MMUT: variants seen among roughly 807,000 people sequenced by gnomAD.
MMUT encodes the protein methylmalonyl-CoA mutase, mitochondrial.
A neutral mutation model predicts 79.9 loss-of-function variants in MMUT; 79 were observed. The ratio of observed to expected loss-of-function variants is 0.99; its 90% confidence interval spans 0.82 to 1.19. The LOEUF is 1.19. Ranked by LOEUF, MMUT falls within the 50% of genes most tolerant of loss-of-function variation. The pLI is 0.00. For synonymous variants in MMUT, 273 were observed against 295.7 expected, an observed-to-expected ratio of 0.92 and a Z score of 0.79; for missense variants, 860 against 917.2, an observed-to-expected ratio of 0.94 and a Z score of 0.81.
At chr6:49,431,975 T>A in intron 12 of MMUT, 119 bp from the exon 13 acceptor site, 1 of 1,174,164 alleles carries the variant, frequency 8.5e-7, no homozygotes, top group Non-Finnish European at 1.2e-6. Context: ...GGTATACTAC[T>A]GGCATTTGGG....
At position 49,440,342 on chromosome 6, in the gene MMUT, A is replaced by C; in HGVS notation, c.1820T>G (p.Phe607Cys). 6.2e-7 allele frequency: 1 copy of C among 1,613,972 alleles called. No homozygotes were observed. The highest frequency in any genetic ancestry group is 8.5e-7 in the Non-Finnish European group (1 of 1,179,934). The change falls in exon 11 of 13, where the codon TTC (phenylalanine) becomes TGC (cysteine). Residue 607 changes from phenylalanine (F) to cysteine (C), a missense_variant. Physicochemically the swap from Phe to Cys is radical, Grantham distance 205. Coordinates refer to ENST00000274813, the MANE Select transcript of MMUT (RefSeq NM_000255.4). ...AGGTCTGCGACCTTCACGTTCCATG[A>C]ATTTATGAACCCTGAAAAACATTTA... ...ITSAIKRVHK[F>C]MEREGRRPRL...
intron 1 of MMUT, among the ~76,000 whole-genome samples, chr6:49,461,809 A>G (rs774497608): frequency 4.6e-5 from 7 of 152,096 alleles, no homozygotes; most frequent in Non-Finnish European, 1.0e-4. Flanking sequence ...TAATACTAGC[A>G]CGATTTTTAT....
At position 49,440,136 on chromosome 6, in the gene MMUT, T is replaced by C. The variant is rs1581821400; in HGVS notation, c.1956+70A>G. The stretch of plus-strand genomic sequence containing the variant: ...TTAATTTGCTCAATGTCTGTCATCA[T>C]TTTACTACATTTTCTAAATGTAAGT... On this transcript the variant is annotated intron_variant, in intron 11 of 12. Transcript: ENST00000274813. 4 of 1,578,280 alleles carry C rather than the reference T, an allele frequency of 2.5e-6. No individual in the cohort carries two copies. The East Asian group carries it at 9.0e-5, about 35-fold the overall frequency.
At chr6:49,441,671 CTATT>C (rs1199880693) in intron 10 of MMUT, among the ~76,000 whole-genome samples, 165 bp downstream of exon 10, 1 of 148,060 alleles carries the variant, frequency 6.8e-6, no homozygotes, top group Non-Finnish European at 1.5e-5. Context: ...ATTATATACT[CTATT>C]ATATGTTATA....
chr6:49,451,481 A>G lies in MMUT; in HGVS notation c.1317T>C (p.Tyr439=), dbSNP rs1464160411. The change falls in exon 6 of 13, where the codon TAT becomes TAC. Residue 439 remains tyrosine (Y), a synonymous_variant. Transcript: ENST00000274813. ...AAAAACTTACCTTTAAAGCAGCATC[A>G]TAAACATCATTTGTGAGACATTCCA... The part of the protein sequence containing the change: ...YMMECLTNDV[Y]DAALKLINEI... 6.2e-7 allele frequency: 1 copy of G among 1,614,124 alleles called. No homozygotes were observed. Among genetic ancestry groups the G allele is most frequent in the African/African-American group, 1.3e-5 (1 of 75,064 alleles).
At chr6:49,451,328 T>A in intron 6 of MMUT, 138 bp downstream of exon 6, 1 of 1,027,758 alleles carries the variant, frequency 9.7e-7, no homozygotes, top group Non-Finnish European at 1.4e-6. Context: ...AAACATCGTT[T>A]AAATTATTAT....
At chr6:49,451,965 T>C (rs1767565295) in intron 5 of MMUT, among the ~76,000 whole-genome samples, 1 of 152,228 alleles carries the variant, frequency 6.6e-6, no homozygotes. Flanking sequence ...TTATATTGCC[T>C]AAATACTTTT....
chr6:49,453,379 C>T (rs1339265184), intron 5 of MMUT, among the ~76,000 whole-genome samples: 1 of 151,756 alleles, frequency 6.6e-6, no homozygotes, highest in Non-Finnish European at 1.5e-5. Flanking sequence ...ATATTGTTAA[C>T]CACCAGAGGG....
chr6:49,447,619 C>T, intron 8 of MMUT, 51 bp downstream of exon 8: 2 of 1,053,822 alleles, frequency 1.9e-6, no homozygotes, highest in Non-Finnish European at 2.9e-6. Context: ...TAGCCAGAGC[C>T]CAGAACACAG....
At position 49,431,486 on chromosome 6, in the gene MMUT, GA is replaced by G. The variant is rs1766970445; in HGVS notation, c.*241del. 3.4e-6 allele frequency: 1 copy of G among 291,056 alleles called. No homozygotes were observed. The highest frequency in any genetic ancestry group is 6.8e-5 in the East Asian group (1 of 14,692). The allele number at this position is 291,056 out of a possible 1,614,324, so 18.0% of individuals were successfully genotyped here. Reference sequence around the variant, plus strand: ...AATAATACCATTGTCCAGAGTTCTTGATAAAGTATTGTTATAGAGAGTATAG... The same window carrying G: ...AATAATACCATTGTCCAGAGTTCTTGTAAAGTATTGTTATAGAGAGTATAG... On this transcript the variant is annotated 3_prime_UTR_variant, in exon 13 of 13. Transcript: ENST00000274813.
chr6:49,432,876 G>A (rs1767023383), intron 12 of MMUT, among the ~76,000 whole-genome samples: 3 of 152,012 alleles, frequency 2.0e-5, no homozygotes, highest in African/African-American at 7.3e-5. Flanking sequence ...TCTGATTTTT[G>A]TTTATTGTTG....
rs1767476841 is a variant in MMUT, at chr6:49,448,841, G to C, written c.1419C>G (p.Ala473=). The C allele has an allele frequency of 6.2e-7, 1 of 1,613,052 alleles. No individual in the cohort carries two copies. Among genetic ancestry groups the C allele is most frequent in the African/African-American group, 1.3e-5 (1 of 74,788 alleles). The change falls in exon 7 of 13, where the codon GCC becomes GCG. Residue 473 remains alanine (A), a synonymous_variant. Coordinates refer to ENST00000274813, the MANE Select transcript of MMUT (RefSeq NM_000255.4). The part of the protein sequence containing the change: ...IPKLRIEECA[A]RRQARIDSGS... ...CAGAATCTATTCTAGCTTGTCTTCGGGCAGCACATTCTTCAATTCGAAGTT... is the reference window on the plus strand; with the variant it reads ...CAGAATCTATTCTAGCTTGTCTTCGCGCAGCACATTCTTCAATTCGAAGTT...
rs186489164 is a variant in MMUT, at chr6:49,433,931, G to A, written c.2124+1525C>T. Among the ~76,000 whole-genome samples, 898 of 152,182 alleles carry A rather than the reference G, an allele frequency of 5.9e-3. 3 individuals are homozygous for A. The highest frequency in any genetic ancestry group is 1.0e-2 in the Non-Finnish European group (680 of 68,012). On this transcript the variant is annotated intron_variant, in intron 12 of 12. Transcript: ENST00000274813. ...CCTTATCCTTAGTTGTTAAATTCAT[G>A]GGAAAAATCACATGGCAAACACCTA...
Position 49,456,105 on chromosome 6 carries a change from G to A in MMUT, c.886C>T (p.Leu296=), listed in dbSNP as rs1561958348. 1 of 1,613,584 alleles carries A rather than the reference G, an allele frequency of 6.2e-7. No individual in the cohort carries two copies. Among genetic ancestry groups the A allele is most frequent in the Non-Finnish European group, 8.5e-7 (1 of 1,179,624 alleles). Residue 296 remains leucine, a synonymous_variant, in exon 4 of 13, where the codon CTG becomes TTG. Transcript: ENST00000274813. ...CTTGGTGCAAATTCATCAATTGTCA[G>A]GCCAGCCTGGAGTCCAGTTCTAGAG... is the stretch of plus-strand genomic sequence containing the variant. The part of the protein sequence containing the change: ...EYSRTGLQAG[L]TIDEFAPRLS...
At chr6:49,458,233 A>G (rs1340572723) in intron 2 of MMUT, among the ~76,000 whole-genome samples, 175 bp from the exon 3 acceptor site, 1 of 152,222 alleles carries the variant, frequency 6.6e-6, no homozygotes, top group Non-Finnish European at 1.5e-5. Context: ...TTCACTTCTT[A>G]AGAGAGTCAG....
At chr6:49,453,812 A>G (rs948063702) in intron 4 of MMUT, 56 bp from the exon 5 acceptor site, 1 of 1,403,866 alleles carries the variant, frequency 7.1e-7, no homozygotes, top group Admixed American at 1.7e-5. Context: ...ATAGAGCAGA[A>G]AATAAAACTA....
intron 6 of MMUT, among the ~76,000 whole-genome samples, chr6:49,449,267 A>G (rs895875463): frequency 6.6e-6 from 1 of 152,172 alleles, no homozygotes; most frequent in African/African-American, 2.4e-5. Flanking sequence ...ATATTTTAAA[A>G]TGCAATTTAC....
Position 49,463,129 on chromosome 6 carries a change from T to G in MMUT, c.-66A>C, listed in dbSNP as rs1186983199. ...GGTAGGCCTGTTTTGGACTCCGCTG[T>G]GGGAGAGGGCGGCTGCACTTCTGCG... On this transcript the variant is annotated 5_prime_UTR_variant, in exon 1 of 13. Coordinates refer to ENST00000274813, the MANE Select transcript of MMUT (RefSeq NM_000255.4). 6.6e-6 allele frequency: 1 copy of G among 152,376 alleles called. No individual in the cohort carries two copies. The highest frequency in any genetic ancestry group is 1.5e-5 in the Non-Finnish European group (1 of 68,204). 9.4% of individuals were successfully genotyped at this position (152,376 alleles called of 1,614,324 possible). A position where few individuals can be genotyped will look rare whatever the true frequency, so the allele number is the denominator to read the frequency against.
rs1433019473 is a variant in MMUT at position 49,439,596 on chromosome 6, T to C, written c.1956+610A>G. ...GGCCAGAGTAACACAGAGTAACACA[T>C]TCCAAATGAGGAATGTGTTGCTTCC... is the stretch of plus-strand genomic sequence containing the variant. On this transcript the variant is annotated intron_variant, in intron 11 of 12. Transcript: ENST00000274813. 2.0e-5 allele frequency among the ~76,000 whole-genome samples: 3 copies of C among 152,110 alleles called. No homozygotes were observed. The East Asian group carries it at 5.8e-4, about 29-fold the overall frequency.
Sources: allele counts gnomAD v4.1 joint callset (sites outside exome capture counted in the v4.1 genomes callset), GRCh38; gene constraint gnomAD v4.1.1; transcripts MANE v1.5; gene names NCBI Gene and HGNC (gene_info 2026-07-23, HGNC 2026-07-21).